Variants in SULT6B1 observed in about 807,000 individuals in gnomAD.
SULT6B1 encodes the protein sulfotransferase family 6B member 1.
In SULT6B1, 44 loss-of-function variants were observed where a neutral mutation model predicts 37.2. That is an observed-to-expected ratio of 1.18 (90% CI 0.93 to 1.52). The LOEUF is 1.52. Among genes scored for constraint, SULT6B1 ranks in the 40% most tolerant of loss-of-function variants. SULT6B1 has a pLI of 0.00. For synonymous variants in SULT6B1, 140 were observed against 126.0 expected, an observed-to-expected ratio of 1.11 and a Z score of -0.74; for missense variants, 450 against 361.0, an observed-to-expected ratio of 1.25 and a Z score of -2.00.
At chr2:37,169,350 G>A (rs974484449) in intron 6 of SULT6B1, among the ~76,000 whole-genome samples, 6 of 152,204 alleles carry the variant, frequency 3.9e-5, no homozygotes, top group Non-Finnish European at 8.8e-5. Flanking sequence ...GTAGAGTCAT[G>A]TCTAGGCTCA....
intron 1 of SULT6B1, among the ~76,000 whole-genome samples, chr2:37,194,061 T>C (rs1002179798): frequency 6.6e-6 from 1 of 152,220 alleles, no homozygotes; most frequent in Non-Finnish European, 1.5e-5. Context: ...TATACAATTA[T>C]TTTAGTCTTT....
chr2:37,179,689 G>T, intron 3 of SULT6B1, 105 bp from the exon 4 acceptor site: 1 of 1,004,882 alleles, frequency 1.0e-6, no homozygotes, highest in Non-Finnish European at 1.5e-6. Context: ...TTACATAATT[G>T]TGTTAATATA....
chr2:37,175,326 A>AGTT, intron 4 of SULT6B1, 100 bp from the exon 5 acceptor site: 2 of 496,348 alleles, frequency 4.0e-6, no homozygotes, highest in Non-Finnish European at 6.8e-6. Context: ...ATATGTGTAT[A>AGTT]TGCTCGAGAT....
Position 37,175,281 on chromosome 2 carries a change from G to A in SULT6B1, c.530-55C>T, listed in dbSNP as rs1019047785. 1.7e-5 allele frequency: 17 copies of A among 980,554 alleles called. No homozygotes were observed. In the Admixed American group the frequency reaches 4.2e-4, roughly 24 times the overall value. 60.7% of individuals were successfully genotyped at this position (980,554 alleles called of 1,614,324 possible). ...AATGTCAAATAACTGAGGTTAAAAT[G>A]ATCATTAATTTATGCTATAAAATAT... On this transcript the variant is annotated intron_variant, in intron 4 of 6. Coordinates refer to ENST00000535679, the MANE Select transcript of SULT6B1 (RefSeq NM_001367551.1).
At chr2:37,188,389 C>T (rs1346856502) in intron 1 of SULT6B1, 53 bp downstream of exon 1, 12 of 1,501,634 alleles carry the variant, frequency 8.0e-6, no homozygotes, top group Middle Eastern at 1.7e-4. Context: ...TCATACCCTC[C>T]CCAACCTACT....
intron 4 of SULT6B1, among the ~76,000 whole-genome samples, chr2:37,177,743 T>C (rs564746249): frequency 2.6e-5 from 4 of 152,350 alleles, no homozygotes; most frequent in Admixed American, 6.5e-5. Flanking sequence ...CAGGTAATTG[T>C]GTGACATGAT....
upstream of SULT6B1, among the ~76,000 whole-genome samples, chr2:37,191,451 C>T (rs949528478): frequency 9.2e-5 from 14 of 152,114 alleles, no homozygotes; most frequent in African/African-American, 3.1e-4. Flanking sequence ...ATAGGCTCCA[C>T]GGCTGGCCCA....
upstream of SULT6B1, among the ~76,000 whole-genome samples, chr2:37,191,513 G>C (rs1676778113): frequency 6.6e-6 from 1 of 152,208 alleles, no homozygotes; most frequent in Admixed American, 6.5e-5. Context: ...CGAGCAGGAG[G>C]CAGAGGATCA....
chr2:37,194,178 AT>A (rs577677210), intron 1 of SULT6B1, among the ~76,000 whole-genome samples: 89 of 146,150 alleles, frequency 6.1e-4, no homozygotes, highest in African/African-American at 1.3e-3. Flanking sequence ...CTGTCTGTAG[AT>A]TTTTTTTTTT....
intron 5 of SULT6B1, among the ~76,000 whole-genome samples, chr2:37,173,076 C>G (rs1429081659): frequency 6.6e-6 from 1 of 151,810 alleles, no homozygotes; most frequent in Non-Finnish European, 1.5e-5. Flanking sequence ...TTGTCTCGAA[C>G]TCCCGACCTC....
At chr2:37,186,364 C>G (rs1178289011) in intron 2 of SULT6B1, among the ~76,000 whole-genome samples, 2 of 152,172 alleles carry the variant, frequency 1.3e-5, no homozygotes, top group Non-Finnish European at 2.9e-5. Context: ...TGTCCAAGCC[C>G]TGAAGTCCTG....
At chr2:37,181,345 T>C (rs530303266) in intron 3 of SULT6B1, among the ~76,000 whole-genome samples, 1 of 152,286 alleles carries the variant, frequency 6.6e-6, no homozygotes, top group Admixed American at 6.5e-5. Context: ...TATGAACAAA[T>C]TCCCCACGTC....
intron 1 of SULT6B1, among the ~76,000 whole-genome samples, chr2:37,195,694 A>AAAGAAAAAC (rs1676903918): frequency 6.6e-6 from 1 of 152,166 alleles, no homozygotes; most frequent in African/African-American, 2.4e-5. Flanking sequence ...TGCACACGGT[A>AAAGAAAAAC]CTTCAATATA....
chr2:37,174,684 T>C (rs1486246366), intron 5 of SULT6B1, among the ~76,000 whole-genome samples: 1 of 152,230 alleles, frequency 6.6e-6, no homozygotes, highest in Non-Finnish European at 1.5e-5. Context: ...TGTAAGTTAC[T>C]ACAGGGCAGC....
intron 5 of SULT6B1, among the ~76,000 whole-genome samples, chr2:37,172,819 T>TTTGC (rs1304991211): frequency 1.1e-5 from 1 of 90,838 alleles, no homozygotes; most frequent in Admixed American, 1.4e-4. Context: ...AAACCATACA[T>TTTGC]TTGCTTGTTT....
chr2:37,175,273 G>A lies in SULT6B1; in HGVS notation c.530-47C>T, dbSNP rs552659043. 5 of 1,066,418 alleles carry A rather than the reference G, an allele frequency of 4.7e-6. No homozygotes were observed. The South Asian group carries it at 7.8e-5, about 17-fold the overall frequency. The allele number at this position is 1,066,418 out of a possible 1,614,324, so 66.1% of individuals were successfully genotyped here. A position where few individuals can be genotyped will look rare whatever the true frequency, so the allele number is the denominator to read the frequency against. On this transcript the variant is annotated intron_variant, in intron 4 of 6. Coordinates refer to ENST00000535679, the MANE Select transcript of SULT6B1 (RefSeq NM_001367551.1). ...CTTTAAGAAATGTCAAATAACTGAGGTTAAAATGATCATTAATTTATGCTA... is the reference window on the plus strand; with the variant it reads ...CTTTAAGAAATGTCAAATAACTGAGATTAAAATGATCATTAATTTATGCTA...
At chr2:37,175,017 G>T (rs1034893959) in intron 5 of SULT6B1, 115 bp downstream of exon 5, 5 of 540,054 alleles carry the variant, frequency 9.3e-6, no homozygotes, top group Non-Finnish European at 1.5e-5. Flanking sequence ...CATATATCTG[G>T]AATATTTTTA....
chr2:37,186,708 G>A (rs552466850), intron 2 of SULT6B1, among the ~76,000 whole-genome samples: 3 of 151,974 alleles, frequency 2.0e-5, no homozygotes, highest in South Asian at 2.1e-4. Context: ...CCTGAGCAAC[G>A]AAATGAAACC....
At chr2:37,182,503 AT>A (rs201080859) in intron 3 of SULT6B1, among the ~76,000 whole-genome samples, 2 of 152,232 alleles carry the variant, frequency 1.3e-5, no homozygotes, top group African/African-American at 4.8e-5. Flanking sequence ...CCAACCTAAT[AT>A]TTTTTGTAGA....
Sources: gnomAD v4.1 joint callset for allele counts (sites outside exome capture counted in the v4.1 genomes callset) on GRCh38, gnomAD v4.1.1 for gene constraint, MANE v1.5 for transcripts, NCBI Gene and HGNC (gene_info 2026-07-23, HGNC 2026-07-21) for gene names.